ATRNL1: variants seen among roughly 807,000 people sequenced by gnomAD.
ATRNL1 encodes attractin like 1.
Under a neutral mutation model 182.7 loss-of-function variants are expected in ATRNL1, and 95 were observed. The observed-to-expected ratio is 0.52, with a 90% CI of 0.44 to 0.62. The LOEUF is 0.62. Ranked by LOEUF, ATRNL1 falls within the 20% of genes least tolerant of loss-of-function variation. The pLI, the probability that ATRNL1 is intolerant of heterozygous loss-of-function variation, is 0.00. For synonymous variants in ATRNL1, 576 were observed against 568.3 expected (o/e 1.01, Z -0.19); for missense variants, 1,471 against 1,679.5 (o/e 0.88, Z 2.17).
intron 11 of ATRNL1, among the ~76,000 whole-genome samples, chr10:115,266,346 A>G (rs1319607628): frequency 1.3e-5 from 2 of 151,778 alleles, no homozygotes; most frequent in Admixed American, 1.3e-4. Flanking sequence ...TTCTGTGTCT[A>G]TATTGAAAAG....
chr10:115,129,295 G>C (rs1294694857), intron 4 of ATRNL1, 32 bp from the exon 5 acceptor site: 3 of 1,559,076 alleles, frequency 1.9e-6, no homozygotes, highest in Non-Finnish European at 2.6e-6. Flanking sequence ...CAATTACCTT[G>C]AATCTGAATA....
At chr10:115,124,005 G>A (rs1200504544) in intron 3 of ATRNL1, among the ~76,000 whole-genome samples, 6 of 151,704 alleles carry the variant, frequency 4.0e-5, no homozygotes, top group African/African-American at 7.3e-5. Flanking sequence ...ACATTATGGC[G>A]GGTTGTATAA....
At chr10:115,094,201 C>T (rs1040805782) in intron 1 of ATRNL1, among the ~76,000 whole-genome samples, 158 bp downstream of exon 1, 1 of 151,730 alleles carries the variant, frequency 6.6e-6, no homozygotes, top group African/African-American at 2.4e-5. Flanking sequence ...AGAGTGGGGC[C>T]CGCGCCGCGC....
rs1946508852 is a variant in ATRNL1, at chr10:115,694,932, TGCACACAC to T, written c.3796-32307_3796-32300del. The stretch of plus-strand genomic sequence containing the variant: ...AAAATCACACACACACACACACACA[TGCACACAC>T]GCACACACACACACACACACAGAGT... On this transcript the variant is annotated intron_variant, in intron 26 of 28. Transcript: ENST00000355044. Among the ~76,000 whole-genome samples, 4 of 140,020 alleles carry T rather than the reference TGCACACAC, an allele frequency of 2.9e-5. No individual in the cohort carries two copies. The East Asian group carries it at 8.3e-4, about 29-fold the overall frequency. 91.9% of individuals were successfully genotyped at this position (140,020 alleles called of 152,430 possible). A position where few individuals can be genotyped will look rare whatever the true frequency, so the allele number is the denominator to read the frequency against.
intron 27 of ATRNL1, among the ~76,000 whole-genome samples, chr10:115,761,648 T>G (rs2134145911): frequency 6.6e-6 from 1 of 152,264 alleles, no homozygotes; most frequent in South Asian, 2.1e-4. Flanking sequence ...GCTGGTGGTG[T>G]TGGTGTTGGG....
At chr10:115,683,548 G>GTTTTTT (rs59383182) in intron 26 of ATRNL1, among the ~76,000 whole-genome samples, 32,452 of 110,314 alleles carry the variant, frequency 0.29, 7,482 homozygotes, top group East Asian at 0.69. Context: ...GAGAACTAGC[G>GTTTTTT]TTTTTTTTTT....
intron 23 of ATRNL1, among the ~76,000 whole-genome samples, chr10:115,467,681 A>G (rs1053615510): frequency 2.7e-5 from 4 of 150,722 alleles, no homozygotes; most frequent in African/African-American, 9.7e-5. Context: ...ATTATTGTCA[A>G]GCTTAGAAAA....
intron 5 of ATRNL1, among the ~76,000 whole-genome samples, chr10:115,154,620 A>C (rs7894112): frequency 0.025 from 3,790 of 152,076 alleles, 160 homozygotes; most frequent in African/African-American, 0.086. Context: ...CATATAGTCT[A>C]TCCTGGAGAA....
intron 13 of ATRNL1, among the ~76,000 whole-genome samples, chr10:115,280,779 A>G (rs1266820569): frequency 6.6e-6 from 1 of 152,198 alleles, no homozygotes; most frequent in African/African-American, 2.4e-5. Flanking sequence ...TGGTGAAAAT[A>G]TACCTTGGCA....
chr10:115,620,346 C>T (rs974849304), intron 26 of ATRNL1, among the ~76,000 whole-genome samples: 3 of 152,116 alleles, frequency 2.0e-5, no homozygotes, highest in African/African-American at 7.2e-5. Context: ...CCAGGCCCCA[C>T]CCCCAACACT....
chr10:115,265,364 C>T, intron 11 of ATRNL1, 87 bp downstream of exon 11: 1 of 800,616 alleles, frequency 1.2e-6, no homozygotes, highest in South Asian at 1.9e-5. Context: ...TGAAAATTAT[C>T]ATTGGTACTT....
chr10:115,483,665 T>G (rs1848876428), intron 24 of ATRNL1, among the ~76,000 whole-genome samples: 1 of 151,588 alleles, frequency 6.6e-6, no homozygotes, highest in Non-Finnish European at 1.5e-5. Context: ...TTAGAAGAAA[T>G]CGTGTAATTA....
intron 12 of ATRNL1, 134 bp downstream of exon 12, chr10:115,267,139 T>A (rs1851641499): frequency 1.7e-6 from 1 of 602,628 alleles, no homozygotes; most frequent in Non-Finnish European, 2.9e-6. Context: ...TTAGGAATTC[T>A]AATGTTTGAA....
At chr10:115,557,261 G>A (rs575749005) in intron 26 of ATRNL1, among the ~76,000 whole-genome samples, 3 of 152,222 alleles carry the variant, frequency 2.0e-5, no homozygotes, top group African/African-American at 7.2e-5. Flanking sequence ...AGTTGCATCT[G>A]GCATGAGGAA....
intron 28 of ATRNL1, among the ~76,000 whole-genome samples, chr10:115,933,534 G>T (rs1261670547): frequency 6.6e-6 from 1 of 152,166 alleles, no homozygotes; most frequent in Admixed American, 6.5e-5. Flanking sequence ...GGATGTCCAG[G>T]TCTTTGCCCA....
chr10:115,367,032 G>A lies in ATRNL1; in HGVS notation c.3176-27627G>A, dbSNP rs1372532479. ...TCTTCTCGAGGAGTATCTTTGTGGC[G>A]TTCTCTGTATTTCCTGAATCTGATC... On this transcript the variant is annotated intron_variant, in intron 19 of 28. Coordinates refer to ENST00000355044, the MANE Select transcript of ATRNL1 (RefSeq NM_207303.4). 1.4e-4 allele frequency among the ~76,000 whole-genome samples: 18 copies of A among 128,830 alleles called. No individual in the cohort carries two copies. In the East Asian group the frequency reaches 2.6e-3, roughly 19 times the overall value. The allele number at this position is 128,830 out of a possible 152,430, so 84.5% of individuals were successfully genotyped here.
At chr10:115,841,288 C>T (rs1324914937) in intron 27 of ATRNL1, among the ~76,000 whole-genome samples, 3 of 152,064 alleles carry the variant, frequency 2.0e-5, no homozygotes, top group Non-Finnish European at 4.4e-5. Flanking sequence ...AGCCTCTTTA[C>T]TCCCAAAGTC....
At chr10:115,132,855 C>G (rs1237403668) in intron 5 of ATRNL1, among the ~76,000 whole-genome samples, 1 of 152,148 alleles carries the variant, frequency 6.6e-6, no homozygotes, top group Non-Finnish European at 1.5e-5. Context: ...GAGTAGATTG[C>G]AAAAATTTTC....
intron 24 of ATRNL1, among the ~76,000 whole-genome samples, chr10:115,484,244 TTA>T (rs1368614088): frequency 6.6e-6 from 1 of 151,514 alleles, no homozygotes; most frequent in Non-Finnish European, 1.5e-5. Context: ...TTATTAAATA[TTA>T]TGTTTTTTCA....
Sources: allele counts gnomAD v4.1 joint callset (sites outside exome capture counted in the v4.1 genomes callset), GRCh38; gene constraint gnomAD v4.1.1; transcripts MANE v1.5; gene names NCBI Gene and HGNC (gene_info 2026-07-23, HGNC 2026-07-21).